The following RELB variants were observed in gnomAD, a reference collection of about 807,000 sequenced individuals.
The protein encoded by RELB is transcription factor RelB.
In RELB, 14 loss-of-function variants were observed where a neutral mutation model predicts 55.4. The ratio of observed to expected loss-of-function variants is 0.25; its 90% CI spans 0.17 to 0.40. The LOEUF (loss-of-function observed/expected upper bound fraction) is 0.40, where lower values mean the gene tolerates loss of function less well. RELB is among the 10% of genes least tolerant of loss of function. RELB has a pLI of 1.00. For synonymous variants in RELB, 409 were observed against 371.3 expected (o/e 1.10, Z -1.17); for missense variants, 669 against 830.7 (o/e 0.81, Z 2.39).
chr19:45,013,419 G>A (rs1971385847), intron 4 of RELB, among the ~76,000 whole-genome samples: 1 of 151,800 alleles, frequency 6.6e-6, no homozygotes. Context: ...GGGATTGCAG[G>A]TGTGAGCCAC....
chr19:45,028,352 G>A (rs772782400), intron 7 of RELB, among the ~76,000 whole-genome samples: 2 of 151,510 alleles, frequency 1.3e-5, no homozygotes, highest in Non-Finnish European at 2.9e-5. Context: ...TTATTTTTTT[G>A]TTTGTTTGTT....
At chr19:45,033,420 C>T (rs767453863) in intron 9 of RELB, among the ~76,000 whole-genome samples, 7 of 152,098 alleles carry the variant, frequency 4.6e-5, no homozygotes, top group Non-Finnish European at 8.8e-5. Flanking sequence ...CGCAGTGGCT[C>T]ATGCCTGTAA....
rs549611825 is a variant in RELB at position 45,017,386 on chromosome 19, C to T, written c.505-4667C>T. ...GGCGGACCACCTGAGGTTAGGAGTT[C>T]GAGGCCCTGGAGGCTGGGATCGCAC... On this transcript the variant is annotated intron_variant, in intron 4 of 11. Coordinates refer to ENST00000221452, the MANE Select transcript of RELB (RefSeq NM_006509.4). Among the ~76,000 whole-genome samples, 22 of 139,308 alleles carry T rather than the reference C, an allele frequency of 1.6e-4. 1 individual carries two copies. Among genetic ancestry groups the T allele is most frequent in the Non-Finnish European group, 4.5e-5 (3 of 66,274 alleles). 91.4% of individuals were successfully genotyped at this position (139,308 alleles called of 152,430 possible).
rs1971638091 is a variant in RELB at position 45,032,627 on chromosome 19, A to G, written c.1085A>G (p.Lys362Arg). Residue 362 changes from lysine to arginine, a missense_variant, in exon 9 of 12, where the codon AAG becomes AGG. Coordinates refer to ENST00000221452, the MANE Select transcript of RELB (RefSeq NM_006509.4). ...DVHRQIAIVFKTPPYEDLEIV... is the reference protein window; with the variant it reads ...DVHRQIAIVFRTPPYEDLEIV... ...CACCGCCAGATTGCCATTGTGTTCA[A>G]GACGCCGCCCTACGAGGACCTGGAG... is the stretch of plus-strand genomic sequence containing the variant. 3 of 1,613,264 alleles carry G rather than the reference A, an allele frequency of 1.9e-6. No individual in the cohort carries two copies. Among genetic ancestry groups the G allele is most frequent in the Non-Finnish European group, 2.5e-6 (3 of 1,179,700 alleles).
At chr19:45,002,366 C>G (rs1683027675) in intron 1 of RELB, among the ~76,000 whole-genome samples, 1 of 151,472 alleles carries the variant, frequency 6.6e-6, no homozygotes, top group African/African-American at 2.4e-5. Flanking sequence ...TTGTTTTTTT[C>G]TTTTGAGATG....
intron 9 of RELB, among the ~76,000 whole-genome samples, chr19:45,033,015 A>G (rs1052401365): frequency 2.6e-5 from 4 of 152,166 alleles, no homozygotes; most frequent in Admixed American, 6.6e-5. Context: ...CATCCTGCAC[A>G]TGCCCGGGCC....
chr19:45,033,771 G>C (rs566018889), intron 9 of RELB, among the ~76,000 whole-genome samples: 12 of 150,584 alleles, frequency 8.0e-5, no homozygotes, highest in African/African-American at 2.9e-4. Context: ...TCGGACTCCT[G>C]ACCTCAGGTG....
intron 4 of RELB, among the ~76,000 whole-genome samples, chr19:45,020,377 C>T (rs902027966): frequency 5.9e-5 from 9 of 151,826 alleles, no homozygotes; most frequent in African/African-American, 2.2e-4. Flanking sequence ...ATGCCTGTCA[C>T]CACACCTGGC....
rs183135219 is a variant in RELB at position 45,002,519 on chromosome 19, A to T, written c.107-430A>T. On this transcript the variant is annotated intron_variant, in intron 1 of 11. Transcript: ENST00000221452. ...AGGTGCCCGCCACCACACCCGGCTA[A>T]TTTTTGTAGTTTTACTAGAGACGGG... 9.1e-3 allele frequency among the ~76,000 whole-genome samples: 1,384 copies of T among 152,138 alleles called. 22 individuals are homozygous for T. Among genetic ancestry groups the T allele is most frequent in the African/African-American group, 0.031 (1,296 of 41,516 alleles).
At chr19:45,011,539 G>A (rs906216688) in intron 3 of RELB, among the ~76,000 whole-genome samples, 12 of 150,376 alleles carry the variant, frequency 8.0e-5, no homozygotes, top group African/African-American at 2.9e-4. Context: ...TTACTGCAGT[G>A]TCCGCCTCCT....
At chr19:45,010,277 T>C (rs1485070316) in intron 3 of RELB, among the ~76,000 whole-genome samples, 2 of 125,070 alleles carry the variant, frequency 1.6e-5, no homozygotes, top group African/African-American at 5.8e-5. Flanking sequence ...ATTGCACCAC[T>C]GCACTGCAGC....
Position 45,030,540 on chromosome 19 carries a change from G to A in RELB, c.991+1548G>A, listed in dbSNP as rs571268043. On this transcript the variant is annotated intron_variant, in intron 8 of 11. Coordinates refer to ENST00000221452, the MANE Select transcript of RELB (RefSeq NM_006509.4). ...CCAGCTACTTGGGAGGCTGAGGCACGAGAATCACTTGAACCTGGGAGGCAG... is the reference window on the plus strand; with the variant it reads ...CCAGCTACTTGGGAGGCTGAGGCACAAGAATCACTTGAACCTGGGAGGCAG... Among the ~76,000 whole-genome samples, 3 of 152,260 alleles carry A rather than the reference G, an allele frequency of 2.0e-5. No individual in the cohort carries two copies. The South Asian group carries it at 6.2e-4, about 32-fold the overall frequency.
chr19:45,025,465 C>T (rs1212565992), intron 6 of RELB, 45 bp downstream of exon 6: 4 of 1,577,990 alleles, frequency 2.5e-6, no homozygotes, highest in African/African-American at 2.7e-5. Context: ...CTCCCAAACC[C>T]CTTGACTTCC....
intron 8 of RELB, among the ~76,000 whole-genome samples, chr19:45,029,575 C>T (rs1482028050): frequency 6.6e-6 from 1 of 151,450 alleles, no homozygotes; most frequent in Non-Finnish European, 1.5e-5. Flanking sequence ...GAGGGCTGGG[C>T]GCAGTGGCTC....
At position 45,037,924 on chromosome 19, in the gene RELB, C is replaced by G. The variant is rs1971718885; in HGVS notation, c.*134C>G. 1 of 874,088 alleles carries G rather than the reference C, an allele frequency of 1.1e-6. No homozygotes were observed. The highest frequency in any genetic ancestry group is 1.6e-6 in the Non-Finnish European group (1 of 629,782). 54.1% of individuals were successfully genotyped at this position (874,088 alleles called of 1,614,324 possible). ...CTGAAGTGGACATATTCAGCCTTGGCGAGAAGCTCCGTTGCACGGGTTTCC... is the reference window on the plus strand; with the variant it reads ...CTGAAGTGGACATATTCAGCCTTGGGGAGAAGCTCCGTTGCACGGGTTTCC... On this transcript the variant is annotated 3_prime_UTR_variant, in exon 12 of 12. Transcript: ENST00000221452.
rs374471242 is a variant in RELB at position 45,003,006 on chromosome 19, C to T, written c.154+10C>T. 6.2e-7 allele frequency: 1 copy of T among 1,612,080 alleles called. No individual in the cohort carries two copies. The highest frequency in any genetic ancestry group is 1.1e-5 in the South Asian group (1 of 90,684). On this transcript the variant is annotated intron_variant, in intron 2 of 11. Transcript: ENST00000221452. ...GTTTCCAGGAGCACAGGTGAGCAGCCCTCCACAGTTCCTGCCCACTCGCTC... is the reference window on the plus strand; with the variant it reads ...GTTTCCAGGAGCACAGGTGAGCAGCTCTCCACAGTTCCTGCCCACTCGCTC...
At chr19:45,029,417 T>TA (rs1052070899) in intron 8 of RELB, among the ~76,000 whole-genome samples, 27 of 149,470 alleles carry the variant, frequency 1.8e-4, no homozygotes, top group South Asian at 4.2e-4. Context: ...AACAGGCTTT[T>TA]AAAAAAAAAA....
intron 4 of RELB, among the ~76,000 whole-genome samples, chr19:45,017,449 T>TA (rs544678800): frequency 7.6e-4 from 78 of 102,644 alleles, no homozygotes; most frequent in East Asian, 2.9e-3. Context: ...AGAATCTGTC[T>TA]AAAAAAAAAA....
Position 45,032,675 on chromosome 19 carries a change from AC to A in RELB, c.1134del (p.Asn378LysfsTer45). On this transcript the variant is annotated frameshift_variant, in exon 9 of 12. Coordinates refer to ENST00000221452, the MANE Select transcript of RELB (RefSeq NM_006509.4). LOFTEE classifies it high-confidence loss of function. ...GAGATTGTCGAGCCCGTGACAGTCA[AC>A]GTCTTCCTGCAGCGGCTCACCGATG... is the stretch of plus-strand genomic sequence containing the variant. ...DLEIVEPVTV[N>X]VFLQRLTDGV... is the part of the protein sequence containing the mutation. 1 of 1,611,652 alleles carries A rather than the reference AC, an allele frequency of 6.2e-7. No homozygotes were observed. Among genetic ancestry groups the A allele is most frequent in the Non-Finnish European group, 8.5e-7 (1 of 1,179,050 alleles).
Sources: gnomAD v4.1 joint callset for allele counts (sites outside exome capture counted in the v4.1 genomes callset) on GRCh38, gnomAD v4.1.1 for gene constraint, MANE v1.5 for transcripts, NCBI Gene and HGNC (gene_info 2026-07-23, HGNC 2026-07-21) for gene names.